The following FHIT variants were observed in gnomAD, a reference collection of about 807,000 sequenced individuals.
FHIT encodes the protein fragile histidine triad diadenosine triphosphatase.
A neutral mutation model predicts 17.9 loss-of-function variants in FHIT; 19 were observed. The observed-to-expected ratio is 1.06, with a 90% CI of 0.74 to 1.56. The LOEUF (loss-of-function observed/expected upper bound fraction) is 1.56. FHIT is among the 40% of genes most tolerant of loss of function. The probability of loss-of-function intolerance (pLI) is 0.00; values close to 1 mark genes in which losing one functional copy is unlikely to be tolerated. For missense variants in FHIT, 248 were observed against 189.2 expected, an observed-to-expected ratio of 1.31 and a Z score of -1.82; for synonymous variants, 81 against 69.7, an observed-to-expected ratio of 1.16 and a Z score of -0.81.
In FHIT at chr3:60,130,933, T is replaced by TG. The variant is rs1559661119; in HGVS notation, c.104-116782_104-116781insC. Among the ~76,000 whole-genome samples, 281 of 145,152 alleles carry TG rather than the reference T, an allele frequency of 1.9e-3. 4 individuals carry two copies. The highest frequency in any genetic ancestry group is 6.8e-3 in the African/African-American group (270 of 39,976). On this transcript the variant is annotated intron_variant, in intron 5 of 9. Transcript: ENST00000492590. ...CATATATGTATACATACATATATGT[T>TG]TATATATATACATATGTGACAATAA...
chr3:59,907,694 G>A (rs1704650517), intron 8 of FHIT, among the ~76,000 whole-genome samples: 1 of 152,156 alleles, frequency 6.6e-6, no homozygotes, highest in Non-Finnish European at 1.5e-5. Context: ...GGTAATATAT[G>A]AGTTTTCTAT....
chr3:60,901,429 G>A (rs370338459), intron 3 of FHIT, among the ~76,000 whole-genome samples: 5 of 152,202 alleles, frequency 3.3e-5, no homozygotes, highest in African/African-American at 1.2e-4. Flanking sequence ...TTTATTAAGT[G>A]AAAGAAGTAT....
chr3:60,612,628 T>C (rs2038820975), intron 4 of FHIT, among the ~76,000 whole-genome samples: 1 of 152,108 alleles, frequency 6.6e-6, no homozygotes, highest in Admixed American at 6.5e-5. Context: ...GAAAATAAAT[T>C]GAAGTGGTGG....
intron 8 of FHIT, among the ~76,000 whole-genome samples, chr3:59,815,868 T>C (rs781540052): frequency 5.3e-5 from 8 of 152,062 alleles, no homozygotes; most frequent in Non-Finnish European, 8.8e-5. Flanking sequence ...ATACTGCCTG[T>C]TCCCCAATAA....
In FHIT at chr3:60,011,452, T is replaced by G. The variant is rs527769025; in HGVS notation, c.250-52A>C. ...GTGAGAATAGATAGATGGTATCTCCTGCTTATTCAGAAATATCACCCATTA... is the reference window on the plus strand; with the variant it reads ...GTGAGAATAGATAGATGGTATCTCCGGCTTATTCAGAAATATCACCCATTA... On this transcript the variant is annotated intron_variant, in intron 6 of 9. Coordinates refer to ENST00000492590, the MANE Select transcript of FHIT (RefSeq NM_002012.4). 48 of 1,452,068 alleles carry G rather than the reference T, an allele frequency of 3.3e-5. No individual in the cohort carries two copies. In the South Asian group the frequency reaches 5.4e-4, roughly 16 times the overall value. 89.9% of individuals were successfully genotyped at this position (1,452,068 alleles called of 1,614,324 possible). A position where few individuals can be genotyped will look rare whatever the true frequency, so the allele number is the denominator to read the frequency against.
At chr3:60,247,302 T>C (rs1320817445) in intron 5 of FHIT, among the ~76,000 whole-genome samples, 1 of 151,906 alleles carries the variant, frequency 6.6e-6, no homozygotes, top group Non-Finnish European at 1.5e-5. Context: ...GGCAGGAGGA[T>C]CACTTGTGCC....
At chr3:60,825,396 A>G (rs1370502533) in intron 3 of FHIT, among the ~76,000 whole-genome samples, 1 of 152,252 alleles carries the variant, frequency 6.6e-6, no homozygotes, top group Admixed American at 6.5e-5. Flanking sequence ...GATGTTTCAT[A>G]AATGTCATGG....
At chr3:60,191,898 G>C (rs1029537739) in intron 5 of FHIT, among the ~76,000 whole-genome samples, 1 of 151,998 alleles carries the variant, frequency 6.6e-6, no homozygotes, top group African/African-American at 2.4e-5. Context: ...AAAATGAAAA[G>C]TTCAGATAAT....
At position 59,886,645 on chromosome 3, in the gene FHIT, T is replaced by C. The variant is rs1331499385; in HGVS notation, c.348+35701A>G. Among the ~76,000 whole-genome samples, 6 of 151,900 alleles carry C rather than the reference T, an allele frequency of 3.9e-5. No individual in the cohort carries two copies. In the East Asian group the frequency reaches 5.8e-4, roughly 15 times the overall value. ...CCAGCTTTCATGGGAACTAACAGAGTAGGGAGTAACTCACCAACAGAGAGG... is the reference window on the plus strand; with the variant it reads ...CCAGCTTTCATGGGAACTAACAGAGCAGGGAGTAACTCACCAACAGAGAGG... On this transcript the variant is annotated intron_variant, in intron 8 of 9. Transcript: ENST00000492590.
chr3:60,906,917 C>A (rs565210179), intron 3 of FHIT, among the ~76,000 whole-genome samples: 1 of 152,130 alleles, frequency 6.6e-6, no homozygotes, highest in Non-Finnish European at 1.5e-5. Context: ...TCTGATTACA[C>A]TGATGGTCAT....
intron 4 of FHIT, among the ~76,000 whole-genome samples, chr3:60,735,324 G>T (rs532207565): frequency 1.1e-4 from 16 of 152,286 alleles, no homozygotes; most frequent in African/African-American, 3.6e-4. Flanking sequence ...TTCCTCTGGG[G>T]AATCCCCTTC....
chr3:60,083,227 A>G (rs1703363657), intron 5 of FHIT, among the ~76,000 whole-genome samples: 1 of 151,990 alleles, frequency 6.6e-6, no homozygotes, highest in Non-Finnish European at 1.5e-5. Flanking sequence ...TCCTTTTTCC[A>G]TTGCTTAATT....
chr3:61,249,026 A>G lies in FHIT; in HGVS notation c.-213+2275T>C, dbSNP rs531409694. Among the ~76,000 whole-genome samples, 7 of 152,354 alleles carry G rather than the reference A, an allele frequency of 4.6e-5. No homozygotes were observed. The South Asian group carries it at 1.5e-3, about 32-fold the overall frequency. Reference sequence around the variant, plus strand: ...AGAGATGACCATATAAAGAAGCTCAAAAAACATTTGTTGAATTCATGAAGT... The same window carrying G: ...AGAGATGACCATATAAAGAAGCTCAGAAAACATTTGTTGAATTCATGAAGT... On this transcript the variant is annotated intron_variant, in intron 1 of 9. Transcript: ENST00000492590.
At chr3:60,628,446 GC>G (rs2039351853) in intron 4 of FHIT, among the ~76,000 whole-genome samples, 1 of 152,148 alleles carries the variant, frequency 6.6e-6, no homozygotes, top group African/African-American at 2.4e-5. Flanking sequence ...TCTGTTGTCT[GC>G]CTCAATTGGC....
intron 3 of FHIT, among the ~76,000 whole-genome samples, chr3:60,897,545 C>A (rs1370267799): frequency 6.6e-6 from 1 of 152,150 alleles, no homozygotes; most frequent in African/African-American, 2.4e-5. Flanking sequence ...TTTCCTTGTG[C>A]TTTTCCTTTT....
chr3:60,924,517 C>A (rs1398840426), intron 3 of FHIT, among the ~76,000 whole-genome samples: 2 of 152,148 alleles, frequency 1.3e-5, no homozygotes, highest in African/African-American at 4.8e-5. Flanking sequence ...AGAAGGAAAA[C>A]TAACAAACAG....
chr3:61,043,479 C>T (rs2033629041), intron 2 of FHIT, among the ~76,000 whole-genome samples: 1 of 152,174 alleles, frequency 6.6e-6, no homozygotes, highest in Non-Finnish European at 1.5e-5. Flanking sequence ...GGCCCAGAAA[C>T]TCAAACTGGG....
chr3:61,082,898 G>C (rs1037083229), intron 2 of FHIT, among the ~76,000 whole-genome samples: 2 of 151,928 alleles, frequency 1.3e-5, no homozygotes, highest in African/African-American at 4.8e-5. Flanking sequence ...TACTAATCAG[G>C]CCCATCCCTA....
intron 5 of FHIT, among the ~76,000 whole-genome samples, chr3:60,170,349 C>A (rs996869272): frequency 6.6e-6 from 1 of 152,112 alleles, no homozygotes; most frequent in Admixed American, 6.5e-5. Flanking sequence ...TTCTGTAAAT[C>A]CAACCATGAA....
Sources: allele counts gnomAD v4.1 joint callset (sites outside exome capture counted in the v4.1 genomes callset), GRCh38; gene constraint gnomAD v4.1.1; transcripts MANE v1.5; gene names NCBI Gene and HGNC (gene_info 2026-07-23, HGNC 2026-07-21).